The following CEP250 variants were observed in gnomAD, a reference collection of about 807,000 sequenced individuals.
The protein encoded by CEP250 is centrosome-associated protein CEP250.
In CEP250, 242 loss-of-function variants were observed where a neutral mutation model predicts 315.7. That is an observed-to-expected ratio of 0.77 (90% confidence interval 0.69 to 0.85). The LOEUF is 0.85. CEP250 is among the 40% of genes least tolerant of loss of function. CEP250 has a pLI of 0.00. For missense variants in CEP250, 2,515 were observed against 2,886.4 expected, an observed-to-expected ratio of 0.87 and a Z score of 2.95; for synonymous variants, 1,088 against 1,175.0, an observed-to-expected ratio of 0.93 and a Z score of 1.51.
intron 15 of CEP250, 36 bp from the exon 16 acceptor site, chr20:35,476,413 G>T: frequency 1.3e-6 from 2 of 1,594,634 alleles, no homozygotes. Context: ...AGGAAAATTG[G>T]AAATATGAAA....
chr20:35,490,540 C>T (rs2063657043), intron 20 of CEP250, 97 bp from the exon 21 acceptor site: 1 of 1,143,954 alleles, frequency 8.7e-7, no homozygotes, highest in African/African-American at 1.5e-5. Flanking sequence ...GGTCACCCCA[C>T]TAGTGAGTAG....
Position 35,503,453 on chromosome 20 carries a change from G to A in CEP250, c.5084G>A (p.Arg1695Gln), listed in dbSNP as rs768408309. 1.2e-6 allele frequency: 2 copies of A among 1,614,144 alleles called. No individual in the cohort carries two copies. Among genetic ancestry groups the A allele is most frequent in the Non-Finnish European group, 8.5e-7 (1 of 1,180,024 alleles). ...LEQIKLSLRE[R>Q]GRELTTQRQL... ...CAGATCAAGCTGTCCTTGAGAGAGCGAGGCCGGGAGCTGACCACTCAGAGG... is the reference window on the plus strand; with the variant it reads ...CAGATCAAGCTGTCCTTGAGAGAGCAAGGCCGGGAGCTGACCACTCAGAGG... Residue 1695 changes from arginine to glutamine, a missense_variant, in exon 30 of 35, where the codon CGA becomes CAA. Transcript: ENST00000397527. The surrounding 1 kb of genome is among the most constrained non-coding windows in gnomAD (Gnocchi z 4.2).
chr20:35,472,664 G>T lies in CEP250; in HGVS notation c.1051-9G>T. 1 of 1,614,006 alleles carries T rather than the reference G, an allele frequency of 6.2e-7. No individual in the cohort carries two copies. The highest frequency in any genetic ancestry group is 1.6e-4 in the Middle Eastern group (1 of 6,062). On this transcript the variant is annotated splice_polypyrimidine_tract_variant and intron_variant, in intron 11 of 34. Transcript: ENST00000397527. The stretch of plus-strand genomic sequence containing the variant: ...AGTAGGGTGGTGACCTTGCTGTATT[G>T]GGTTTCAGGTCATGGTGGAAGAAGG...
intron 4 of CEP250, 127 bp downstream of exon 4, chr20:35,462,680 A>G (rs2062782840): frequency 7.0e-6 from 5 of 717,468 alleles, no homozygotes; most frequent in Non-Finnish European, 1.1e-5. Flanking sequence ...ATGGTGAGAT[A>G]AGACCCAGAC....
At chr20:35,481,174 T>G (rs961043277) in intron 20 of CEP250, 1 of 152,122 alleles carries the variant, frequency 6.6e-6, no homozygotes, top group African/African-American at 2.4e-5. Flanking sequence ...TCTCAGCACT[T>G]TGGGAGGCTG....
chr20:35,458,669 T>G (rs1235381825), intron 2 of CEP250, among the ~76,000 whole-genome samples: 1 of 152,178 alleles, frequency 6.6e-6, no homozygotes, highest in Non-Finnish European at 1.5e-5. Context: ...GCAGATCTGA[T>G]CTGGCAGTGT....
Position 35,479,436 on chromosome 20 carries a change from A to C in CEP250, c.2288+12A>C. ...CTACAGGGGCTCAGGTAGGGCCCAG[A>C]CTCAGTTCAGCCAAGCACAGAGAGA... On this transcript the variant is annotated intron_variant, in intron 18 of 34. Coordinates refer to ENST00000397527, the MANE Select transcript of CEP250 (RefSeq NM_007186.6). The C allele has an allele frequency of 6.2e-7, 1 of 1,608,850 alleles. No homozygotes were observed. Among genetic ancestry groups the C allele is most frequent in the East Asian group, 2.2e-5 (1 of 44,834 alleles).
rs768671915 is a variant in CEP250, at chr20:35,504,348, T to C, written c.5979T>C (p.Ser1993=). The change falls in exon 30 of 35, where the codon AGT becomes AGC. Residue 1993 remains serine (S), a synonymous_variant. Transcript: ENST00000397527. ...TCGAGCAGGCAGAATTGAGCCGCAG[T>C]CTGGAGGCCAGCACTGCAACCCTGC... ...HLLEQAELSR[S]LEASTATLQA... 6.3e-7 allele frequency: 1 copy of C among 1,595,594 alleles called. No individual in the cohort carries two copies. The highest frequency in any genetic ancestry group is 8.5e-7 in the Non-Finnish European group (1 of 1,171,282).
chr20:35,494,344 A>G (rs1172108632), intron 23 of CEP250, 180 bp from the exon 24 acceptor site: 5 of 725,818 alleles, frequency 6.9e-6, no homozygotes, highest in Non-Finnish European at 8.9e-6. Context: ...GACCAGGCCG[A>G]ATTGTATTGA....
chr20:35,480,529 G>C (rs192630205), intron 20 of CEP250, among the ~76,000 whole-genome samples: 11 of 149,442 alleles, frequency 7.4e-5, no homozygotes, highest in African/African-American at 2.7e-4. Context: ...TTTTATTGTG[G>C]TTTTAGGTGT....
At chr20:35,466,907 T>C (rs1825396696) in intron 7 of CEP250, 59 bp from the exon 8 acceptor site, 3 of 1,074,912 alleles carry the variant, frequency 2.8e-6, no homozygotes, top group Non-Finnish European at 1.4e-6. Flanking sequence ...CCAAGACTCT[T>C]GTGTTGGCAA....
intron 24 of CEP250, among the ~76,000 whole-genome samples, chr20:35,496,000 G>A (rs1408111451): frequency 6.6e-6 from 1 of 152,086 alleles, no homozygotes; most frequent in African/African-American, 2.4e-5. Context: ...GGAGAACTCT[G>A]GAGTAGTCAA....
At chr20:35,470,994 CTATAAGTT>C (rs1397832760) in intron 10 of CEP250, among the ~76,000 whole-genome samples, 1 of 152,188 alleles carries the variant, frequency 6.6e-6, no homozygotes, top group Non-Finnish European at 1.5e-5. Flanking sequence ...TGTTTCATCT[CTATAAGTT>C]TTCAGATCTC....
chr20:35,472,342 A>G (rs970123335), intron 11 of CEP250, among the ~76,000 whole-genome samples, 191 bp downstream of exon 11: 1 of 152,206 alleles, frequency 6.6e-6, no homozygotes, highest in African/African-American at 2.4e-5. Context: ...GCACTACCTG[A>G]TGGGACAGGC....
intron 15 of CEP250, 103 bp from the exon 16 acceptor site, chr20:35,476,346 A>T: frequency 9.2e-7 from 1 of 1,083,976 alleles, no homozygotes; most frequent in Non-Finnish European, 1.4e-6. Context: ...ATGGAGTATT[A>T]ACTGATCTCT....
rs1435475272 is a variant in CEP250 at position 35,498,611 on chromosome 20, G to A, written c.3672G>A (p.Arg1224=). Residue 1224 remains arginine, a synonymous_variant, in exon 27 of 35, where the codon AGG becomes AGA. Coordinates refer to ENST00000397527, the MANE Select transcript of CEP250 (RefSeq NM_007186.6). ...TTTTTTCAGACCAGAATGGAGCTAG[G>A]AGCCTCTTTAAGAGAGGGCCCCTGC... ...WGLEPDQNGA[R]SLFKRGPLLT... is the part of the protein sequence containing the mutation. 6.2e-7 allele frequency: 1 copy of A among 1,604,186 alleles called. No individual in the cohort carries two copies. Among genetic ancestry groups the A allele is most frequent in the Non-Finnish European group, 8.5e-7 (1 of 1,177,426 alleles).
At chr20:35,479,174 AGC>A in intron 17 of CEP250, 55 bp from the exon 18 acceptor site, 1 of 1,537,094 alleles carries the variant, frequency 6.5e-7, no homozygotes, top group Non-Finnish European at 8.9e-7. Flanking sequence ...ACCTGGTGGT[AGC>A]GGCCCCAGGG....
chr20:35,458,743 G>A (rs1490277332), intron 2 of CEP250, among the ~76,000 whole-genome samples: 3 of 152,136 alleles, frequency 2.0e-5, no homozygotes, highest in Non-Finnish European at 2.9e-5. Flanking sequence ...ATTTCAGAAA[G>A]ATTCCTGAGA....
In CEP250 at chr20:35,473,392, G is replaced by A; in HGVS notation, c.1228G>A (p.Ala410Thr). 2 of 1,613,694 alleles carry A rather than the reference G, an allele frequency of 1.2e-6. No individual in the cohort carries two copies. The highest frequency in any genetic ancestry group is 1.7e-6 in the Non-Finnish European group (2 of 1,179,740). The change falls in exon 13 of 35, where the codon GCA (alanine) becomes ACA (threonine). Residue 410 changes from alanine (A) to threonine (T), a missense_variant. By Grantham distance (58) the Ala-to-Thr change is moderately conservative (BLOSUM62 0). Coordinates refer to ENST00000397527, the MANE Select transcript of CEP250 (RefSeq NM_007186.6). ...TCCACAGGACCTAAGGCAGCAGCTTGCAGGCTGTCAAGAGGCTGTGAACTT... is the reference window on the plus strand; with the variant it reads ...TCCACAGGACCTAAGGCAGCAGCTTACAGGCTGTCAAGAGGCTGTGAACTT... ...QAVQDLRQQLAGCQEAVNLLQ... is the reference protein window; with the variant it reads ...QAVQDLRQQLTGCQEAVNLLQ...
Sources: allele counts gnomAD v4.1 joint callset (sites outside exome capture counted in the v4.1 genomes callset), GRCh38; gene constraint gnomAD v4.1.1; non-coding constraint Gnocchi (gnomAD v3.1); transcripts MANE v1.5; gene names NCBI Gene and HGNC (gene_info 2026-07-23, HGNC 2026-07-21).